ANGPT1: variants seen among roughly 807,000 people sequenced by gnomAD.
ANGPT1 encodes angiopoietin-1.
Under a neutral mutation model 62.2 loss-of-function variants are expected in ANGPT1, and 17 were observed. That is an observed-to-expected ratio of 0.27 (90% confidence interval 0.19 to 0.41). ANGPT1 has a LOEUF of 0.41. Among genes scored for constraint, ANGPT1 ranks in the 10% least tolerant of loss-of-function variants. ANGPT1 has a pLI of 1.00. For missense variants in ANGPT1, 478 were observed against 594.9 expected (o/e 0.80, Z 2.04); for synonymous variants, 199 against 198.9 (o/e 1.00, Z 0.00).
chr8:107,262,012 T>C lies in ANGPT1; in HGVS notation c.1336+2209A>G, dbSNP rs140963115. 6.8e-3 allele frequency among the ~76,000 whole-genome samples: 1,040 copies of C among 151,990 alleles called. 9 individuals are homozygous for C. Among genetic ancestry groups the C allele is most frequent in the African/African-American group, 0.023 (957 of 41,460 alleles). ...GGCTTCGAGACCAGCCTGGTTGACA[T>C]GGTGAAACCCTGTCTCTACTAAAAA... is the stretch of plus-strand genomic sequence containing the variant. On this transcript the variant is annotated intron_variant, in intron 8 of 8. Transcript: ENST00000517746.
At chr8:107,347,208 G>T in intron 1 of ANGPT1, 111 bp from the exon 2 acceptor site, 1 of 1,108,610 alleles carries the variant, frequency 9.0e-7, no homozygotes, top group Non-Finnish European at 1.3e-6. Flanking sequence ...CAGCCATCTG[G>T]CGGGGATCCT....
At position 107,251,279 on chromosome 8, in the gene ANGPT1, G is replaced by T. The variant is rs1406738329; in HGVS notation, c.*576C>A. 1 of 152,678 alleles carries T rather than the reference G, an allele frequency of 6.5e-6. No homozygotes were observed. Among genetic ancestry groups the T allele is most frequent in the Non-Finnish European group, 1.5e-5 (1 of 68,148 alleles). The allele number at this position is 152,678 out of a possible 1,614,324, so 9.5% of individuals were successfully genotyped here. A position where few individuals can be genotyped will look rare whatever the true frequency, so the allele number is the denominator to read the frequency against. ...AAGATGGGTAAGCAGAAATCAACTAGTAAGTATGATACTGGAATTAGGCTT... is the reference window on the plus strand; with the variant it reads ...AAGATGGGTAAGCAGAAATCAACTATTAAGTATGATACTGGAATTAGGCTT... On this transcript the variant is annotated 3_prime_UTR_variant, in exon 9 of 9. Coordinates refer to ENST00000517746, the MANE Select transcript of ANGPT1 (RefSeq NM_001146.5).
intron 1 of ANGPT1, among the ~76,000 whole-genome samples, chr8:107,431,015 G>T (rs1179022861): frequency 6.6e-6 from 1 of 152,072 alleles, no homozygotes; most frequent in Admixed American, 6.5e-5. Flanking sequence ...TCAAAGCTCA[G>T]CTCTGTACTA....
intron 1 of ANGPT1, among the ~76,000 whole-genome samples, chr8:107,410,695 A>C (rs1817249855): frequency 6.6e-6 from 1 of 152,200 alleles, no homozygotes; most frequent in African/African-American, 2.4e-5. Flanking sequence ...AAAATACCAG[A>C]ACATGTGACT....
rs1468139027 is a variant in ANGPT1 at position 107,404,674 on chromosome 8, T to C, written c.298-57577A>G. Reference sequence around the variant, plus strand: ...CAATGAACATTTTGTACATCAATTTTATTCACTTGGGTAGATGTGTTTGTA... The same window carrying C: ...CAATGAACATTTTGTACATCAATTTCATTCACTTGGGTAGATGTGTTTGTA... On this transcript the variant is annotated intron_variant, in intron 1 of 8. Transcript: ENST00000517746. Among the ~76,000 whole-genome samples, 4 of 152,158 alleles carry C rather than the reference T, an allele frequency of 2.6e-5. No homozygotes were observed. In the East Asian group the frequency reaches 7.7e-4, roughly 29 times the overall value.
chr8:107,269,529 T>A (rs1430890184), intron 7 of ANGPT1, among the ~76,000 whole-genome samples: 1 of 152,062 alleles, frequency 6.6e-6, no homozygotes, highest in Non-Finnish European at 1.5e-5. Flanking sequence ...GACAGTGAAT[T>A]GGAAGTGTGA....
intron 5 of ANGPT1, among the ~76,000 whole-genome samples, chr8:107,299,422 A>ATATATATATATATAC (rs1281291162): frequency 6.0e-5 from 7 of 116,148 alleles, no homozygotes; most frequent in African/African-American, 2.2e-4. Flanking sequence ...TATATATATA[A>ATATATATATATATAC]ACATACATAT....
intron 6 of ANGPT1, among the ~76,000 whole-genome samples, chr8:107,287,874 T>C (rs1170283215): frequency 6.6e-6 from 1 of 152,144 alleles, no homozygotes; most frequent in African/African-American, 2.4e-5. Flanking sequence ...AGAATAAAAT[T>C]GATAATATAA....
At chr8:107,396,618 T>G (rs1382695145) in intron 1 of ANGPT1, among the ~76,000 whole-genome samples, 1 of 144,354 alleles carries the variant, frequency 6.9e-6, no homozygotes, top group Non-Finnish European at 1.5e-5. Context: ...ACTCTTGGAC[T>G]TAAAGGATCT....
At chr8:107,341,243 C>G (rs1225899759) in intron 2 of ANGPT1, among the ~76,000 whole-genome samples, 2 of 152,184 alleles carry the variant, frequency 1.3e-5, no homozygotes, top group African/African-American at 2.4e-5. Context: ...TCAACCTAAA[C>G]CAGTCTTTAG....
At chr8:107,297,902 A>G (rs1350775371) in intron 5 of ANGPT1, among the ~76,000 whole-genome samples, 1 of 151,884 alleles carries the variant, frequency 6.6e-6, no homozygotes, top group African/African-American at 2.4e-5. Flanking sequence ...GAAATTTAAA[A>G]AAATAGATGG....
chr8:107,441,707 T>C (rs1377339648), intron 1 of ANGPT1, among the ~76,000 whole-genome samples: 2 of 152,192 alleles, frequency 1.3e-5, no homozygotes, highest in Admixed American at 1.3e-4. Flanking sequence ...TTGTGATGAC[T>C]AAATGAGATT....
At chr8:107,460,518 G>A (rs1812041321) in intron 1 of ANGPT1, among the ~76,000 whole-genome samples, 1 of 152,158 alleles carries the variant, frequency 6.6e-6, no homozygotes, top group African/African-American at 2.4e-5. Flanking sequence ...GCTATTGCAT[G>A]AATGAACAAC....
At chr8:107,461,827 T>G (rs575562539) in intron 1 of ANGPT1, among the ~76,000 whole-genome samples, 56 of 152,270 alleles carry the variant, frequency 3.7e-4, no homozygotes, top group South Asian at 2.5e-3. Flanking sequence ...GGGCGATCTC[T>G]CTACACACTG....
chr8:107,415,097 T>C (rs1810703009), intron 1 of ANGPT1, among the ~76,000 whole-genome samples: 1 of 152,178 alleles, frequency 6.6e-6, no homozygotes, highest in Non-Finnish European at 1.5e-5. Flanking sequence ...GTGGGTTGCA[T>C]CATTCAAAAC....
intron 7 of ANGPT1, among the ~76,000 whole-genome samples, chr8:107,277,633 A>G (rs1482617998): frequency 6.6e-6 from 1 of 152,242 alleles, no homozygotes; most frequent in Non-Finnish European, 1.5e-5. Context: ...GATTAAGCTT[A>G]GCCCAATCAA....
At chr8:107,395,658 A>G (rs1327785791) in intron 1 of ANGPT1, among the ~76,000 whole-genome samples, 1 of 152,196 alleles carries the variant, frequency 6.6e-6, no homozygotes, top group Non-Finnish European at 1.5e-5. Flanking sequence ...CAACTAAGAT[A>G]TGTTGTCACT....
intron 1 of ANGPT1, among the ~76,000 whole-genome samples, chr8:107,474,804 A>T (rs569703670): frequency 1.3e-5 from 2 of 152,310 alleles, no homozygotes; most frequent in Admixed American, 1.3e-4. Context: ...ACAAACAGAG[A>T]GCCAAATCAT....
At chr8:107,329,669 TTGTG>T in intron 3 of ANGPT1, among the ~76,000 whole-genome samples, 1 of 148,292 alleles carries the variant, frequency 6.7e-6, no homozygotes, top group South Asian at 2.1e-4. Context: ...GTGTGAGTCT[TTGTG>T]TGTGTGTGAG....
Sources: gnomAD v4.1 joint callset for allele counts (sites outside exome capture counted in the v4.1 genomes callset) on GRCh38, gnomAD v4.1.1 for gene constraint, MANE v1.5 for transcripts, NCBI Gene and HGNC (gene_info 2026-07-23, HGNC 2026-07-21) for gene names.